The following CNTNAP5 variants were observed in gnomAD, a reference collection of about 807,000 sequenced individuals.
CNTNAP5 encodes the protein contactin-associated protein-like 5.
CNTNAP5 carries 72 observed loss-of-function variants against 150.2 expected under a neutral mutation model. The ratio of observed to expected loss-of-function variants is 0.48; its 90% CI spans 0.40 to 0.58. The LOEUF (loss-of-function observed/expected upper bound fraction) is 0.58, where lower values mean the gene tolerates loss of function less well. Among genes scored for constraint, CNTNAP5 ranks in the 20% least tolerant of loss-of-function variants. CNTNAP5 has a pLI of 0.00. For synonymous variants in CNTNAP5, 672 were observed against 619.8 expected (o/e 1.08, Z -1.25); for missense variants, 1,636 against 1,626.2 (o/e 1.01, Z -0.10).
At chr2:124,225,142 G>A (rs775176979) in intron 2 of CNTNAP5, among the ~76,000 whole-genome samples, 3 of 152,082 alleles carry the variant, frequency 2.0e-5, no homozygotes, top group Non-Finnish European at 4.4e-5. Context: ...TCTTCCCCTG[G>A]TTGTAAGCTG....
At position 124,630,813 on chromosome 2, in the gene CNTNAP5, A is replaced by G. The variant is rs989065429; in HGVS notation, c.1877-16945A>G. 2.0e-5 allele frequency among the ~76,000 whole-genome samples: 3 copies of G among 152,150 alleles called. No homozygotes were observed. The East Asian group carries it at 5.8e-4, about 29-fold the overall frequency. ...TTTGTTTTAGATGACATAATCCTGTATCTAGAAAACCCCATCAACTCAACC... is the reference window on the plus strand; with the variant it reads ...TTTGTTTTAGATGACATAATCCTGTGTCTAGAAAACCCCATCAACTCAACC... On this transcript the variant is annotated intron_variant, in intron 12 of 23. Coordinates refer to ENST00000682447, the MANE Select transcript of CNTNAP5 (RefSeq NM_001367498.1).
chr2:124,135,287 G>A (rs1210867491), intron 1 of CNTNAP5: 2 of 152,220 alleles, frequency 1.3e-5, no homozygotes, highest in Non-Finnish European at 2.9e-5. Flanking sequence ...CTCCCACTGA[G>A]GGCCAGGCGT....
chr2:124,422,275 C>G lies in CNTNAP5; in HGVS notation c.529+4685C>G, dbSNP rs141864030. Among the ~76,000 whole-genome samples the G allele has an allele frequency of 3.7e-3, 564 of 152,272 alleles. 4 individuals are homozygous for G. The highest frequency in any genetic ancestry group is 6.7e-3 in the Non-Finnish European group (459 of 68,024). On this transcript the variant is annotated intron_variant, in intron 4 of 23. Coordinates refer to ENST00000682447, the MANE Select transcript of CNTNAP5 (RefSeq NM_001367498.1). Reference sequence around the variant, plus strand: ...TTGCTAAAGATTGGTAGAATTCTTACAGCTCTATAGTTTCTTCAGACTTAA... The same window carrying G: ...TTGCTAAAGATTGGTAGAATTCTTAGAGCTCTATAGTTTCTTCAGACTTAA...
intron 3 of CNTNAP5, among the ~76,000 whole-genome samples, chr2:124,252,543 C>A (rs951729117): frequency 1.2e-4 from 18 of 152,136 alleles, no homozygotes; most frequent in African/African-American, 4.1e-4. Flanking sequence ...GTTTCTTTTT[C>A]TTTGGTGGGG....
chr2:124,636,637 A>G (rs926694747), intron 12 of CNTNAP5, among the ~76,000 whole-genome samples: 18 of 148,278 alleles, frequency 1.2e-4, no homozygotes, highest in Non-Finnish European at 1.3e-4. Flanking sequence ...TTACTCCTTA[A>G]CTCTGTGTGT....
chr2:124,199,280 T>C (rs572898546), intron 1 of CNTNAP5, among the ~76,000 whole-genome samples: 1 of 152,242 alleles, frequency 6.6e-6, no homozygotes, highest in South Asian at 2.1e-4. Flanking sequence ...TTAGGGAACA[T>C]CACAATTGCA....
At chr2:124,042,765 A>G (rs4452145) in intron 1 of CNTNAP5, among the ~76,000 whole-genome samples, 45,413 of 151,556 alleles carry the variant, frequency 0.3, 7,117 homozygotes, top group Admixed American at 0.37. Context: ...CCCCTCTTGC[A>G]TAAGCGTAAC....
At chr2:124,756,733 G>T (rs544998645) in intron 14 of CNTNAP5, among the ~76,000 whole-genome samples, 1 of 151,998 alleles carries the variant, frequency 6.6e-6, no homozygotes, top group Admixed American at 6.6e-5. Flanking sequence ...TGAACATATC[G>T]GGGTGGGGAA....
chr2:124,684,128 G>A (rs1316349545), intron 13 of CNTNAP5, among the ~76,000 whole-genome samples: 1 of 152,146 alleles, frequency 6.6e-6, no homozygotes, highest in African/African-American at 2.4e-5. Flanking sequence ...AATCTGAGTT[G>A]GGGAAAGGAA....
At chr2:124,384,690 T>C (rs1197703896) in intron 3 of CNTNAP5, among the ~76,000 whole-genome samples, 2 of 152,168 alleles carry the variant, frequency 1.3e-5, no homozygotes, top group Admixed American at 6.6e-5. Flanking sequence ...TCTGTATCCT[T>C]CCTCTGAGGA....
At chr2:124,037,546 C>A (rs1681258875) in intron 1 of CNTNAP5, among the ~76,000 whole-genome samples, 1 of 152,144 alleles carries the variant, frequency 6.6e-6, no homozygotes, top group Admixed American at 6.5e-5. Flanking sequence ...ATAGATTAAC[C>A]TGGAGGACAT....
intron 3 of CNTNAP5, among the ~76,000 whole-genome samples, chr2:124,250,981 C>A (rs809053): frequency 0.14 from 20,701 of 152,066 alleles, 2,020 homozygotes; most frequent in East Asian, 0.35. Flanking sequence ...TAATTTTAGT[C>A]ACTGATTATG....
chr2:124,725,315 A>C (rs766117075), intron 13 of CNTNAP5, among the ~76,000 whole-genome samples: 15 of 152,250 alleles, frequency 9.9e-5, no homozygotes, highest in Non-Finnish European at 1.6e-4. Flanking sequence ...TTGAAGAATA[A>C]TTGACAAAAA....
intron 13 of CNTNAP5, among the ~76,000 whole-genome samples, chr2:124,659,801 G>A (rs549184620): frequency 3.3e-5 from 5 of 152,262 alleles, no homozygotes; most frequent in African/African-American, 1.2e-4. Flanking sequence ...TTCTAGTTAG[G>A]TGAACACCTT....
At chr2:124,216,074 TC>T (rs1686148371) in intron 1 of CNTNAP5, among the ~76,000 whole-genome samples, 1 of 152,172 alleles carries the variant, frequency 6.6e-6, no homozygotes. Context: ...CTGAAGTTCC[TC>T]CTGGTTCAGA....
intron 13 of CNTNAP5, among the ~76,000 whole-genome samples, chr2:124,704,316 A>C (rs1466444053): frequency 3.3e-5 from 5 of 152,188 alleles, no homozygotes; most frequent in Admixed American, 6.5e-5. Flanking sequence ...AGCCTTGAAA[A>C]AATCATTAAC....
intron 1 of CNTNAP5, among the ~76,000 whole-genome samples, chr2:124,102,463 T>C (rs560566102): frequency 5.9e-5 from 9 of 152,312 alleles, no homozygotes; most frequent in Admixed American, 3.9e-4. Context: ...TGCCCATTCA[T>C]TGGCTTTGTA....
chr2:124,862,292 A>G (rs1677543163), intron 19 of CNTNAP5, among the ~76,000 whole-genome samples: 1 of 152,230 alleles, frequency 6.6e-6, no homozygotes, highest in South Asian at 2.1e-4. Context: ...TAGACAATAA[A>G]TGCATTACAG....
At chr2:124,756,190 T>C (rs1404210383) in intron 14 of CNTNAP5, among the ~76,000 whole-genome samples, 3 of 152,172 alleles carry the variant, frequency 2.0e-5, no homozygotes, top group Non-Finnish European at 4.4e-5. Context: ...TCTGTATGCA[T>C]GTATTGCAAA....
Sources: allele counts gnomAD v4.1 joint callset (sites outside exome capture counted in the v4.1 genomes callset), GRCh38; gene constraint gnomAD v4.1.1; transcripts MANE v1.5; gene names NCBI Gene and HGNC (gene_info 2026-07-23, HGNC 2026-07-21).